FRMD5: variants seen among roughly 807,000 people sequenced by gnomAD.
FRMD5 encodes FERM domain containing 5, also known as FERM domain-containing protein 5.
FRMD5 carries 20 observed loss-of-function variants against 69.0 expected under a neutral mutation model. That is an observed-to-expected ratio of 0.29 (90% CI 0.20 to 0.42). The LOEUF (loss-of-function observed/expected upper bound fraction) is 0.42. FRMD5 is among the 10% of genes least tolerant of loss of function. The pLI, the probability that FRMD5 is intolerant of heterozygous loss-of-function variation, is 1.00. For missense variants in FRMD5, 595 were observed against 708.6 expected, an observed-to-expected ratio of 0.84 and a Z score of 1.82; for synonymous variants, 271 against 260.1, an observed-to-expected ratio of 1.04 and a Z score of -0.40.
At chr15:43,994,903 G>A (rs912869149) in intron 1 of FRMD5, among the ~76,000 whole-genome samples, 8 of 152,234 alleles carry the variant, frequency 5.3e-5, no homozygotes, top group African/African-American at 9.6e-5. Context: ...GAAGAACTCC[G>A]TTCAGCCGTT....
intron 1 of FRMD5, chr15:43,989,706 T>C: frequency 1.0e-6 from 1 of 996,518 alleles, no homozygotes; most frequent in Non-Finnish European, 1.6e-6. Flanking sequence ...ACAGTGTGGG[T>C]GACCCCGTCA....
intron 1 of FRMD5, among the ~76,000 whole-genome samples, chr15:43,936,432 C>T (rs2089762137): frequency 6.6e-6 from 1 of 152,174 alleles, no homozygotes; most frequent in Non-Finnish European, 1.5e-5. Context: ...CTCAAGGGGT[C>T]CTTCTGCCTT....
intron 1 of FRMD5, among the ~76,000 whole-genome samples, chr15:44,165,587 G>C (rs1364562056): frequency 6.6e-6 from 1 of 152,158 alleles, no homozygotes. Context: ...TGCAGTCCCA[G>C]CACTTCGGGA....
intron 1 of FRMD5, among the ~76,000 whole-genome samples, chr15:44,049,382 G>A (rs1892562157): frequency 6.6e-6 from 1 of 152,154 alleles, no homozygotes; most frequent in Non-Finnish European, 1.5e-5. Flanking sequence ...CCTTAAGCTG[G>A]ACAGTGGGCT....
rs2088713831 is a variant in FRMD5, at chr15:43,888,358, C to T, written c.793-92G>A. The T allele has an allele frequency of 1.1e-5, 9 of 841,288 alleles. No individual in the cohort carries two copies. In the South Asian group the frequency reaches 1.4e-4, roughly 13 times the overall value. The allele number at this position is 841,288 out of a possible 1,614,324, so 52.1% of individuals were successfully genotyped here. Reference sequence around the variant, plus strand: ...ACCCTGACCCCAGAGCTGTTAGAGGCCCTGGCAGCTGGCTAGTTAGAGGGG... The same window carrying T: ...ACCCTGACCCCAGAGCTGTTAGAGGTCCTGGCAGCTGGCTAGTTAGAGGGG... On this transcript the variant is annotated intron_variant, in intron 9 of 13. Transcript: ENST00000417257.
intron 1 of FRMD5, among the ~76,000 whole-genome samples, chr15:43,944,235 G>A (rs2089907900): frequency 6.6e-6 from 1 of 152,192 alleles, no homozygotes; most frequent in Non-Finnish European, 1.5e-5. Context: ...AGTGCCACAG[G>A]GCATCACATG....
At position 43,924,176 on chromosome 15, in the gene FRMD5, C is replaced by T. The variant is rs748824536; in HGVS notation, c.207+29G>A. ...CTCAGTCTTATTGACTAGCCCTGTC[C>T]TCCTTTTGTGCTTTGAATATTGACT... On this transcript the variant is annotated intron_variant, in intron 2 of 13. Coordinates refer to ENST00000417257, the MANE Select transcript of FRMD5 (RefSeq NM_032892.5). 9 of 1,511,706 alleles carry T rather than the reference C, an allele frequency of 6.0e-6. No individual in the cohort carries two copies. The East Asian group carries it at 2.0e-4, about 34-fold the overall frequency. 93.6% of individuals were successfully genotyped at this position (1,511,706 alleles called of 1,614,324 possible). A position where few individuals can be genotyped will look rare whatever the true frequency, so the allele number is the denominator to read the frequency against.
intron 1 of FRMD5, among the ~76,000 whole-genome samples, chr15:44,132,096 G>T (rs890265595): frequency 1.3e-5 from 2 of 152,178 alleles, no homozygotes; most frequent in African/African-American, 4.8e-5. Flanking sequence ...ATTCTCATAA[G>T]GAGTGCGCAG....
In FRMD5 at chr15:43,999,980, ATATATATATG is replaced by A. The variant is rs1348221940; in HGVS notation, c.103-75681_103-75672del. ...TATATATATATATATATATATATAT[ATATATATATG>A]TGCCATGATTTCTTTGTTTTTGTTT... On this transcript the variant is annotated intron_variant, in intron 1 of 13. Coordinates refer to ENST00000417257, the MANE Select transcript of FRMD5 (RefSeq NM_032892.5). Among the ~76,000 whole-genome samples, 24 of 89,458 alleles carry A rather than the reference ATATATATATG, an allele frequency of 2.7e-4. 2 individuals carry two copies. The highest frequency in any genetic ancestry group is 1.1e-3 in the African/African-American group (24 of 21,378). 58.7% of individuals were successfully genotyped at this position (89,458 alleles called of 152,430 possible).
intron 2 of FRMD5, among the ~76,000 whole-genome samples, chr15:43,920,245 T>C (rs1271120614): frequency 6.6e-6 from 1 of 151,152 alleles, no homozygotes; most frequent in East Asian, 1.9e-4. Flanking sequence ...GGCAGGGGAG[T>C]GGGAATAGAA....
intron 7 of FRMD5, among the ~76,000 whole-genome samples, chr15:43,895,084 T>C (rs766854233): frequency 6.6e-6 from 1 of 152,160 alleles, no homozygotes; most frequent in Non-Finnish European, 1.5e-5. Flanking sequence ...ACACCCGGCC[T>C]GTGTTTGTTG....
At chr15:44,124,324 A>G (rs749963528) in intron 1 of FRMD5, among the ~76,000 whole-genome samples, 2 of 152,000 alleles carry the variant, frequency 1.3e-5, no homozygotes, top group Non-Finnish European at 2.9e-5. Context: ...CTGGTATTAC[A>G]AGGAATGTAA....
intron 1 of FRMD5, among the ~76,000 whole-genome samples, chr15:44,156,297 C>A (rs1020814629): frequency 6.6e-6 from 1 of 152,064 alleles, no homozygotes; most frequent in African/African-American, 2.4e-5. Flanking sequence ...GCAGGCGCCA[C>A]CACGCCCAAC....
intron 1 of FRMD5, among the ~76,000 whole-genome samples, chr15:43,930,392 T>G (rs1253579918): frequency 6.6e-6 from 1 of 152,194 alleles, no homozygotes; most frequent in East Asian, 1.9e-4. Context: ...CCTACCCAGG[T>G]ACTCCCTTCT....
At chr15:44,025,064 G>A (rs1485408616) in intron 1 of FRMD5, among the ~76,000 whole-genome samples, 4 of 152,180 alleles carry the variant, frequency 2.6e-5, no homozygotes, top group Non-Finnish European at 5.9e-5. Flanking sequence ...ATTTGTAGAA[G>A]TGGGGTAGTA....
At chr15:44,018,613 C>G (rs951400175) in intron 1 of FRMD5, among the ~76,000 whole-genome samples, 1 of 152,162 alleles carries the variant, frequency 6.6e-6, no homozygotes, top group Non-Finnish European at 1.5e-5. Flanking sequence ...TGGCTGCACC[C>G]CTAAGAATTC....
intron 1 of FRMD5, among the ~76,000 whole-genome samples, chr15:43,955,283 A>G (rs2090096189): frequency 6.6e-6 from 1 of 152,238 alleles, no homozygotes; most frequent in African/African-American, 2.4e-5. Flanking sequence ...CTTGAAAGAG[A>G]CATGCACAGT....
At chr15:43,901,305 G>C (rs1302985198) in intron 7 of FRMD5, among the ~76,000 whole-genome samples, 2 of 152,176 alleles carry the variant, frequency 1.3e-5, no homozygotes, top group East Asian at 1.9e-4. Flanking sequence ...TGTGATACTT[G>C]TTACAGAAAC....
At chr15:44,134,969 G>C (rs942538673) in intron 1 of FRMD5, among the ~76,000 whole-genome samples, 1 of 152,176 alleles carries the variant, frequency 6.6e-6, no homozygotes, top group African/African-American at 2.4e-5. Context: ...ACAAGAAATA[G>C]GTGGAAAGAT....
Sources: allele counts gnomAD v4.1 joint callset (sites outside exome capture counted in the v4.1 genomes callset), GRCh38; gene constraint gnomAD v4.1.1; transcripts MANE v1.5; gene names NCBI Gene and HGNC (gene_info 2026-07-23, HGNC 2026-07-21).